Variants in RSF1 observed in about 807,000 individuals in gnomAD.
RSF1 encodes the protein remodeling and spacing factor 1.
A neutral mutation model predicts 145.2 loss-of-function variants in RSF1; 13 were observed. That is an observed-to-expected ratio of 0.09 (90% CI 0.06 to 0.14). The LOEUF (loss-of-function observed/expected upper bound fraction) is 0.14, where lower values mean the gene tolerates loss of function less well. Ranked by LOEUF, RSF1 falls within the 10% of genes least tolerant of loss-of-function variation. The probability of loss-of-function intolerance (pLI) is 1.00; values close to 1 mark genes in which losing one functional copy is unlikely to be tolerated. For synonymous variants in RSF1, 577 were observed against 592.6 expected (o/e 0.97, Z 0.38); for missense variants, 1,517 against 1,718.2 (o/e 0.88, Z 2.07).
At chr11:77,770,427 C>T (rs1226329375) in intron 1 of RSF1, among the ~76,000 whole-genome samples, 1 of 152,170 alleles carries the variant, frequency 6.6e-6, no homozygotes, top group Non-Finnish European at 1.5e-5. Context: ...TGCACTCCAG[C>T]CTAGGTGACA....
At chr11:77,729,742 A>G (rs1193131395) in intron 4 of RSF1, among the ~76,000 whole-genome samples, 3 of 151,866 alleles carry the variant, frequency 2.0e-5, no homozygotes, top group Non-Finnish European at 4.4e-5. Flanking sequence ...CCATAACAAA[A>G]ACTCCTTAAC....
intron 4 of RSF1, among the ~76,000 whole-genome samples, chr11:77,735,315 C>T (rs67769372): frequency 0.18 from 27,216 of 152,128 alleles, 3,069 homozygotes; most frequent in African/African-American, 0.3. Context: ...GTGGTGATGT[C>T]ATGGTATGAA....
rs569921050 is a variant in RSF1, at chr11:77,788,035, G to A, written c.188-23346C>T. Among the ~76,000 whole-genome samples the A allele has an allele frequency of 9.4e-4, 141 of 149,358 alleles. 1 individual carries two copies. The highest frequency in any genetic ancestry group is 3.0e-3 in the African/African-American group (124 of 40,764). The stretch of plus-strand genomic sequence containing the variant: ...TGTACGCCTGTAATAGTAACTACTC[G>A]GGAGGCTGAGGTAGGAGAATCACTT... On this transcript the variant is annotated intron_variant, in intron 1 of 15. Transcript: ENST00000308488.
At chr11:77,721,426 G>C (rs1335031579) in intron 5 of RSF1, among the ~76,000 whole-genome samples, 1 of 152,180 alleles carries the variant, frequency 6.6e-6, no homozygotes, top group African/African-American at 2.4e-5. Flanking sequence ...TGAGAGACAG[G>C]GTTTTTGGGG....
chr11:77,737,621 G>GTGTGTGTGTGT (rs1554991241), intron 4 of RSF1, among the ~76,000 whole-genome samples: 5,835 of 93,184 alleles, frequency 0.063, 213 homozygotes, highest in South Asian at 0.082. Flanking sequence ...TGTTTTGGGG[G>GTGTGTGTGTGT]GTGTGTGTGT....
chr11:77,815,992 C>G (rs544151697), intron 1 of RSF1, among the ~76,000 whole-genome samples: 5 of 152,322 alleles, frequency 3.3e-5, no homozygotes, highest in Admixed American at 3.3e-4. Context: ...GTCTCCATTA[C>G]CTCCTAGTTC....
intron 1 of RSF1, among the ~76,000 whole-genome samples, chr11:77,779,339 C>T (rs545892550): frequency 1.7e-4 from 26 of 152,024 alleles, no homozygotes; most frequent in African/African-American, 6.0e-4. Flanking sequence ...TCCCTAGTAG[C>T]TAGGACTATA....
At chr11:77,801,588 T>C (rs1948626863) in intron 1 of RSF1, among the ~76,000 whole-genome samples, 2 of 152,288 alleles carry the variant, frequency 1.3e-5, no homozygotes, top group South Asian at 4.2e-4. Context: ...CCTAAATTCC[T>C]TGCAATTTCC....
intron 1 of RSF1, among the ~76,000 whole-genome samples, chr11:77,780,280 A>G (rs185697576): frequency 6.6e-6 from 1 of 152,376 alleles, no homozygotes; most frequent in East Asian, 1.9e-4. Flanking sequence ...AGCAAACAAT[A>G]ATACATGTTT....
At chr11:77,790,958 T>C (rs1204677022) in intron 1 of RSF1, among the ~76,000 whole-genome samples, 2 of 152,164 alleles carry the variant, frequency 1.3e-5, no homozygotes, top group Admixed American at 6.5e-5. Flanking sequence ...TCTCAGTGGA[T>C]CTACCATTCT....
intron 5 of RSF1, among the ~76,000 whole-genome samples, chr11:77,715,990 T>C (rs1960798235): frequency 6.6e-6 from 1 of 152,170 alleles, no homozygotes; most frequent in Non-Finnish European, 1.5e-5. Context: ...CATAAGTTTC[T>C]AGAAATTGCC....
chr11:77,740,883 A>G lies in RSF1; in HGVS notation c.426T>C (p.Asn142=). 6.2e-7 allele frequency: 1 copy of G among 1,614,126 alleles called. No homozygotes were observed. Among genetic ancestry groups the G allele is most frequent in the Non-Finnish European group, 8.5e-7 (1 of 1,179,998 alleles). Residue 142 remains asparagine, a synonymous_variant, in exon 4 of 16, where the codon AAT becomes AAC. Coordinates refer to ENST00000308488, the MANE Select transcript of RSF1 (RefSeq NM_016578.4). ...DDNLKFKNII[N]EEDADTMRLQ... is the part of the protein sequence containing the mutation. ...GACGCATAGTATCGGCATCCTCCTC[A>G]TTAATAATATTCTTGAATTTGAGAT...
chr11:77,685,002 A>G lies in RSF1; in HGVS notation c.2955+103T>C. 3.6e-6 allele frequency: 2 copies of G among 554,800 alleles called. 1 individual carries two copies. The allele number at this position is 554,800 out of a possible 1,614,324, so 34.4% of individuals were successfully genotyped here. ...AACTCCATCTCGAAATAAATAAATA[A>G]ATAAATAAATAAATAAAACCACTAA... On this transcript the variant is annotated intron_variant, in intron 10 of 15. Transcript: ENST00000308488.
chr11:77,866,481 C>T, the RSF1 span: 1 of 152,160 alleles, frequency 6.6e-6, no homozygotes, highest in Non-Finnish European at 1.5e-5. Context: ...CAGGCCCTTG[C>T]AGAGTTATCT....
At chr11:77,730,160 A>G (rs554001072) in intron 4 of RSF1, among the ~76,000 whole-genome samples, 1 of 152,238 alleles carries the variant, frequency 6.6e-6, no homozygotes, top group African/African-American at 2.4e-5. Flanking sequence ...TAATTTGCCT[A>G]AGGTAAGTTA....
Position 77,692,823 on chromosome 11 carries a change from G to A in RSF1, c.2820+684C>T, listed in dbSNP as rs1361625505. On this transcript the variant is annotated intron_variant, in intron 8 of 15. Coordinates refer to ENST00000308488, the MANE Select transcript of RSF1 (RefSeq NM_016578.4). ...CTCCCGAGTAGCTTGGACTAAAGGC[G>A]TGTGCCACCACGCCCAGATAATTTT... Among the ~76,000 whole-genome samples the A allele has an allele frequency of 5.9e-5, 9 of 152,018 alleles. No individual in the cohort carries two copies. The East Asian group carries it at 9.8e-4, about 16-fold the overall frequency.
At chr11:77,862,668 C>G in the RSF1 span, among the ~76,000 whole-genome samples, 2 of 152,172 alleles carry the variant, frequency 1.3e-5, no homozygotes, top group East Asian at 3.9e-4. Context: ...GCATAAATCA[C>G]ACTTTTTACA....
At chr11:77,759,022 A>C (rs11237284) in intron 2 of RSF1, among the ~76,000 whole-genome samples, 38,054 of 152,160 alleles carry the variant, frequency 0.25, 5,556 homozygotes, top group South Asian at 0.49. Context: ...ATCCATTGCC[A>C]GATCCAAGGT....
At chr11:77,834,435 GATTTT>G in the RSF1 span, among the ~76,000 whole-genome samples, 1 of 130,136 alleles carries the variant, frequency 7.7e-6, no homozygotes, top group Non-Finnish European at 1.6e-5. Flanking sequence ...GGAGAAAGTT[GATTTT>G]GTTTTTTTTT....
Sources: allele counts gnomAD v4.1 joint callset (sites outside exome capture counted in the v4.1 genomes callset), GRCh38; gene constraint gnomAD v4.1.1; transcripts MANE v1.5; gene names NCBI Gene and HGNC (gene_info 2026-07-23, HGNC 2026-07-21).